The following WDR72 variants were observed in gnomAD, a reference collection of about 807,000 sequenced individuals.
WDR72 encodes the protein WD repeat-containing protein 72.
Under a neutral mutation model 124.2 loss-of-function variants are expected in WDR72, and 120 were observed. That is an observed-to-expected ratio of 0.97 (90% CI 0.83 to 1.12). WDR72 has a LOEUF of 1.12. Ranked by LOEUF, WDR72 falls within the 50% of genes most tolerant of loss-of-function variation. The pLI, the probability that WDR72 is intolerant of heterozygous loss-of-function variation, is 0.00. For synonymous variants in WDR72, 452 were observed against 441.7 expected, an observed-to-expected ratio of 1.02 and a Z score of -0.29; for missense variants, 1,387 against 1,278.8, an observed-to-expected ratio of 1.08 and a Z score of -1.29.
intron 14 of WDR72, among the ~76,000 whole-genome samples, chr15:53,629,885 T>C (rs2014355682): frequency 6.6e-6 from 1 of 152,128 alleles, no homozygotes; most frequent in Non-Finnish European, 1.5e-5. Context: ...CCCACAAAAT[T>C]GGCAATATTT....
intron 14 of WDR72, among the ~76,000 whole-genome samples, chr15:53,655,895 G>C (rs2015405672): frequency 6.6e-6 from 1 of 152,198 alleles, no homozygotes; most frequent in Non-Finnish European, 1.5e-5. Context: ...GTTTCACCAT[G>C]TTGGTCAGGC....
chr15:53,652,373 G>A (rs574548007), intron 14 of WDR72, among the ~76,000 whole-genome samples: 54 of 152,222 alleles, frequency 3.5e-4, no homozygotes, highest in African/African-American at 1.2e-3. Flanking sequence ...ATGTTGAAAC[G>A]TAATCAGCCC....
chr15:53,704,778 C>T (rs1320864735), intron 11 of WDR72, among the ~76,000 whole-genome samples: 14 of 145,266 alleles, frequency 9.6e-5, no homozygotes, highest in Admixed American at 7.6e-4. Context: ...GTGATCCGCC[C>T]GCCTTGGCCT....
At chr15:53,669,333 T>C (rs1186012990) in intron 13 of WDR72, among the ~76,000 whole-genome samples, 1 of 152,152 alleles carries the variant, frequency 6.6e-6, no homozygotes, top group African/African-American at 2.4e-5. Flanking sequence ...TGCCATTCAG[T>C]ACATATAACC....
chr15:53,707,876 G>A (rs1432018886), intron 9 of WDR72, among the ~76,000 whole-genome samples: 1 of 152,180 alleles, frequency 6.6e-6, no homozygotes, highest in Non-Finnish European at 1.5e-5. Context: ...TATGCACTTA[G>A]AACTGATTGT....
intron 18 of WDR72, 54 bp downstream of exon 18, chr15:53,597,025 A>G: frequency 6.4e-7 from 1 of 1,555,736 alleles, no homozygotes; most frequent in Non-Finnish European, 8.9e-7. Context: ...GTTGGAGACT[A>G]TCTATAGTAG....
intron 13 of WDR72, among the ~76,000 whole-genome samples, chr15:53,673,338 AT>A (rs1425002920): frequency 1.3e-5 from 2 of 152,250 alleles, no homozygotes; most frequent in Non-Finnish European, 2.9e-5. Flanking sequence ...AAAAGAAATC[AT>A]AGTCATTTGA....
intron 18 of WDR72, among the ~76,000 whole-genome samples, chr15:53,552,758 G>A (rs1334936018): frequency 1.3e-5 from 2 of 152,148 alleles, no homozygotes; most frequent in Non-Finnish European, 1.5e-5. Flanking sequence ...TTGGAAGACA[G>A]TTACACATTT....
chr15:53,611,690 C>T (rs1291789300), intron 16 of WDR72, among the ~76,000 whole-genome samples: 1 of 151,826 alleles, frequency 6.6e-6, no homozygotes, highest in Non-Finnish European at 1.5e-5. Context: ...GCAGGCCCCT[C>T]TACTGAATAG....
At chr15:53,587,688 C>A (rs1029997018) in intron 18 of WDR72, among the ~76,000 whole-genome samples, 2 of 151,944 alleles carry the variant, frequency 1.3e-5, no homozygotes, top group Non-Finnish European at 2.9e-5. Flanking sequence ...TCAAGACTGA[C>A]CTCATTCTAA....
rs769346017 is a variant in WDR72 at position 53,615,787 on chromosome 15, C to T, written c.2419G>A (p.Val807Met). 4.3e-5 allele frequency: 69 copies of T among 1,613,522 alleles called. No homozygotes were observed. The highest frequency in any genetic ancestry group is 5.3e-5 in the Non-Finnish European group (62 of 1,179,692). ...LFLSCLLPWG[V>M]DKDLDYLCIK... ...CAAAGATAATCTAAATCTTTATCCA[C>T]TCCCCATGGCAAAAGGCAAGACAGA... is the stretch of plus-strand genomic sequence containing the variant. Residue 807 changes from valine to methionine, a missense_variant, in exon 15 of 20, where the codon GTG becomes ATG. Physicochemically the swap from Val to Met is conservative, Grantham distance 21. Transcript: ENST00000360509.
intron 14 of WDR72, among the ~76,000 whole-genome samples, chr15:53,626,464 G>A (rs759174698): frequency 1.9e-4 from 29 of 152,190 alleles, no homozygotes; most frequent in South Asian, 2.1e-4. Context: ...TCTGCGAGGC[G>A]GCAAAGAACA....
At chr15:53,641,052 A>T (rs1296831103) in intron 14 of WDR72, among the ~76,000 whole-genome samples, 1 of 151,852 alleles carries the variant, frequency 6.6e-6, no homozygotes. Flanking sequence ...TTGTAACATG[A>T]TTACTAAAAA....
At chr15:53,675,189 C>A (rs1028216729) in intron 13 of WDR72, among the ~76,000 whole-genome samples, 1 of 151,852 alleles carries the variant, frequency 6.6e-6, no homozygotes, top group Non-Finnish European at 1.5e-5. Context: ...CTAAAATACA[C>A]AAAATTAGCC....
intron 19 of WDR72, among the ~76,000 whole-genome samples, chr15:53,522,386 G>A (rs1354250891): frequency 6.6e-6 from 1 of 151,934 alleles, no homozygotes; most frequent in Non-Finnish European, 1.5e-5. Flanking sequence ...GTACACAGGA[G>A]CCAGATAAAA....
chr15:53,555,017 A>G (rs1893873026), intron 18 of WDR72, among the ~76,000 whole-genome samples: 1 of 152,096 alleles, frequency 6.6e-6, no homozygotes, highest in African/African-American at 2.4e-5. Context: ...AGCTGGTGTT[A>G]GCTGGCTCCA....
chr15:53,719,814 C>G (rs2017822396), intron 3 of WDR72, among the ~76,000 whole-genome samples: 1 of 152,172 alleles, frequency 6.6e-6, no homozygotes, highest in Non-Finnish European at 1.5e-5. Flanking sequence ...GCAGGTGATT[C>G]TGGTGCACGC....
intron 13 of WDR72, among the ~76,000 whole-genome samples, chr15:53,667,626 C>T (rs140781054): frequency 2.2e-3 from 335 of 152,126 alleles, no homozygotes; most frequent in African/African-American, 7.0e-3. Flanking sequence ...AACTTGGAAC[C>T]GTGTTATGTG....
chr15:53,700,992 T>A (rs979418418), intron 12 of WDR72, among the ~76,000 whole-genome samples: 1 of 152,216 alleles, frequency 6.6e-6, no homozygotes, highest in Non-Finnish European at 1.5e-5. Context: ...GGAGAAATAA[T>A]GTTTATAAGC....
Sources: allele counts gnomAD v4.1 joint callset (sites outside exome capture counted in the v4.1 genomes callset), GRCh38; gene constraint gnomAD v4.1.1; transcripts MANE v1.5; gene names NCBI Gene and HGNC (gene_info 2026-07-23, HGNC 2026-07-21).